Variants in WNT2B observed in about 807,000 individuals in gnomAD.
WNT2B encodes protein Wnt-2b.
WNT2B carries 19 observed loss-of-function variants against 40.5 expected under a neutral mutation model. That is an observed-to-expected ratio of 0.47 (90% CI 0.33 to 0.69). The LOEUF (loss-of-function observed/expected upper bound fraction) is 0.69, where lower values mean the gene tolerates loss of function less well. Among genes scored for constraint, WNT2B ranks in the 30% least tolerant of loss-of-function variants. The pLI is 0.02. For missense variants in WNT2B, 467 were observed against 556.4 expected (o/e 0.84, Z 1.62); for synonymous variants, 220 against 211.9 (o/e 1.04, Z -0.33).
At chr1:112,493,678 A>G (rs1022215854) in intron 1 of WNT2B, among the ~76,000 whole-genome samples, 1 of 152,108 alleles carries the variant, frequency 6.6e-6, no homozygotes, top group Admixed American at 6.5e-5. Context: ...AGAAAGAAGA[A>G]AAAGAATAAC....
intron 1 of WNT2B, among the ~76,000 whole-genome samples, chr1:112,503,183 C>T (rs2101075698): frequency 6.6e-6 from 1 of 152,236 alleles, no homozygotes; most frequent in South Asian, 2.1e-4. Context: ...GTACCAGAGA[C>T]CCCACTCCAC....
chr1:112,474,346 C>T (rs1650990708), intron 1 of WNT2B, among the ~76,000 whole-genome samples: 1 of 151,756 alleles, frequency 6.6e-6, no homozygotes, highest in Admixed American at 6.6e-5. Flanking sequence ...GACGGGGTTT[C>T]ACCGCGTTAG....
At chr1:112,488,404 C>T (rs2101062391) in intron 1 of WNT2B, among the ~76,000 whole-genome samples, 1 of 148,824 alleles carries the variant, frequency 6.7e-6, no homozygotes, top group African/African-American at 2.5e-5. Context: ...ACATGACAGG[C>T]AGTCAAAACC....
intron 1 of WNT2B, among the ~76,000 whole-genome samples, chr1:112,484,733 C>T (rs1651361423): frequency 6.7e-6 from 1 of 149,104 alleles, no homozygotes; most frequent in South Asian, 2.1e-4. Context: ...CAGAGCAAGA[C>T]TCCCTCTTGA....
At chr1:112,488,882 A>T (rs955760176) in intron 1 of WNT2B, among the ~76,000 whole-genome samples, 1 of 151,660 alleles carries the variant, frequency 6.6e-6, no homozygotes, top group African/African-American at 2.4e-5. Context: ...TAGAGACAGG[A>T]TTTTCCTATG....
intron 1 of WNT2B, among the ~76,000 whole-genome samples, chr1:112,490,485 T>A (rs1272672399): frequency 6.6e-6 from 1 of 150,572 alleles, no homozygotes; most frequent in Non-Finnish European, 1.5e-5. Context: ...CTCAAAGAAC[T>A]CATATTCTTT....
upstream of WNT2B, among the ~76,000 whole-genome samples, chr1:112,506,583 G>A (rs999772271): frequency 4.6e-5 from 7 of 152,198 alleles, no homozygotes; most frequent in Admixed American, 1.3e-4. Flanking sequence ...GGAGCTCCAA[G>A]ACTGCCCTGT....
intron 1 of WNT2B, among the ~76,000 whole-genome samples, chr1:112,512,783 A>G (rs143403184): frequency 1.3e-5 from 2 of 152,214 alleles, no homozygotes; most frequent in Non-Finnish European, 2.9e-5. Flanking sequence ...CCTCAGGCTC[A>G]GCTTTATTGG....
rs572853990 is a variant in WNT2B at position 112,490,381 on chromosome 1, G to A, written c.-95+22790G>A. Among the ~76,000 whole-genome samples the A allele has an allele frequency of 3.9e-5, 6 of 152,258 alleles. No individual in the cohort carries two copies. In the South Asian group the frequency reaches 1.2e-3, roughly 32 times the overall value. ...GAGAGAAAGGCTTCTTAGGGATTCT[G>A]TTTTCAATGTAACCTGTACCAAAGG... On this transcript the variant is annotated intron_variant, in intron 1 of 4. Transcript: ENST00000256640.
At chr1:112,490,492 CT>C (rs200730941) in intron 1 of WNT2B, among the ~76,000 whole-genome samples, 297 of 142,448 alleles carry the variant, frequency 2.1e-3, no homozygotes, top group Middle Eastern at 3.7e-3. Flanking sequence ...AACTCATATT[CT>C]TTTTTTTTTT....
chr1:112,511,289 G>A, intron 1 of WNT2B, among the ~76,000 whole-genome samples: 1 of 152,184 alleles, frequency 6.6e-6, no homozygotes, highest in East Asian at 1.9e-4. Flanking sequence ...AGCAGCCCCT[G>A]TGAAAAGGAG....
At chr1:112,516,456 TG>T in intron 3 of WNT2B, 39 bp downstream of exon 3, 2 of 1,579,490 alleles carry the variant, frequency 1.3e-6, no homozygotes, top group South Asian at 1.2e-5. Context: ...TCATATTTGC[TG>T]GGGGTGACCA....
chr1:112,516,554 C>T (rs1372070290), intron 3 of WNT2B, 137 bp downstream of exon 3: 2 of 1,216,276 alleles, frequency 1.6e-6, no homozygotes, highest in East Asian at 2.5e-5. Flanking sequence ...CATCCTGGGA[C>T]AGGAGAACTA....
At chr1:112,517,458 G>A in intron 4 of WNT2B, 73 bp downstream of exon 4, 1 of 1,521,386 alleles carries the variant, frequency 6.6e-7, no homozygotes, top group African/African-American at 1.4e-5. Context: ...ATCATGGTCT[G>A]TTCAGTCTCA....
chr1:112,510,745 G>A (rs1652322495), intron 1 of WNT2B, among the ~76,000 whole-genome samples: 1 of 151,894 alleles, frequency 6.6e-6, no homozygotes, highest in South Asian at 2.1e-4. Flanking sequence ...GCAAGGAGGG[G>A]GGGTTCTGGT....
chr1:112,516,976 T>C, intron 3 of WNT2B, 145 bp from the exon 4 acceptor site: 1 of 1,064,376 alleles, frequency 9.4e-7, no homozygotes, highest in South Asian at 1.6e-5. Context: ...GGGTGGGATC[T>C]GATGTGGGAG....
At chr1:112,473,248 G>C (rs1244749277) in intron 1 of WNT2B, among the ~76,000 whole-genome samples, 2 of 149,268 alleles carry the variant, frequency 1.3e-5, no homozygotes, top group Admixed American at 1.3e-4. Context: ...AGGAAAAGAG[G>C]GAGGGAGGGA....
intron 1 of WNT2B, among the ~76,000 whole-genome samples, chr1:112,495,210 A>T (rs1651723308): frequency 6.6e-6 from 1 of 151,506 alleles, no homozygotes; most frequent in Admixed American, 6.6e-5. Flanking sequence ...AGGCAGATAA[A>T]AGAGCAGAAG....
At chr1:112,474,890 C>G (rs527984648) in intron 1 of WNT2B, among the ~76,000 whole-genome samples, 6,428 of 152,056 alleles carry the variant, frequency 0.042, 460 homozygotes, top group African/African-American at 0.15. Flanking sequence ...GTAGCAATCC[C>G]CCACACACAC....
Sources: gnomAD v4.1 joint callset for allele counts (sites outside exome capture counted in the v4.1 genomes callset) on GRCh38, gnomAD v4.1.1 for gene constraint, MANE v1.5 for transcripts, NCBI Gene and HGNC (gene_info 2026-07-23, HGNC 2026-07-21) for gene names.